Variants in SLC8B1 observed in about 807,000 individuals in gnomAD.
The protein encoded by SLC8B1 is mitochondrial sodium/calcium exchanger protein.
In SLC8B1, 52 loss-of-function variants were observed where a neutral mutation model predicts 63.4. The ratio of observed to expected loss-of-function variants is 0.82; its 90% CI spans 0.66 to 1.03. The LOEUF (loss-of-function observed/expected upper bound fraction) is 1.03, where lower values mean the gene tolerates loss of function less well. Among genes scored for constraint, SLC8B1 ranks in the 50% least tolerant of loss-of-function variants. The pLI is 0.00. For missense variants in SLC8B1, 657 were observed against 741.7 expected, an observed-to-expected ratio of 0.89 and a Z score of 1.33; for synonymous variants, 336 against 323.9, an observed-to-expected ratio of 1.04 and a Z score of -0.40.
Position 113,321,344 on chromosome 12 carries a change from C to A in SLC8B1, c.161G>T (p.Arg54Leu), listed in dbSNP as rs567764947. 2 of 1,614,086 alleles carry A rather than the reference C, an allele frequency of 1.2e-6. No homozygotes were observed. The highest frequency in any genetic ancestry group is 1.3e-5 in the African/African-American group (1 of 75,018). Residue 54 changes from arginine to leucine, a missense_variant, in exon 3 of 16, where the codon CGC becomes CTC. Transcript: ENST00000680972. ...GVNQTPVVDC[R>L]KVCGLNVSDR... The stretch of plus-strand genomic sequence containing the variant: ...AGAGACATTCAGGCCACACACCTTG[C>A]GGCACTGCAGGAAGACAGGGAGGGG...
intron 11 of SLC8B1, 142 bp downstream of exon 11, chr12:113,315,193 G>A (rs1382892765): frequency 2.4e-6 from 2 of 825,824 alleles, no homozygotes; most frequent in Middle Eastern, 2.9e-4. Flanking sequence ...GGCTTAGATG[G>A]GATGATTGCT....
At chr12:113,300,174 C>T (rs1363177286) in intron 15 of SLC8B1, among the ~76,000 whole-genome samples, 200 bp from the exon 16 acceptor site, 1 of 152,042 alleles carries the variant, frequency 6.6e-6, no homozygotes, top group Non-Finnish European at 1.5e-5. Flanking sequence ...CAACAATGCA[C>T]CCTCAACAAC....
At chr12:113,331,874 G>A (rs1432702605) in intron 2 of SLC8B1, among the ~76,000 whole-genome samples, 3 of 151,950 alleles carry the variant, frequency 2.0e-5, no homozygotes, top group Admixed American at 6.6e-5. Context: ...CCCCACTATC[G>A]CAAAACAATT....
intron 11 of SLC8B1, among the ~76,000 whole-genome samples, chr12:113,313,603 T>C (rs560733273): frequency 1.4e-4 from 21 of 152,184 alleles, no homozygotes; most frequent in Admixed American, 9.2e-4. Context: ...TGGCCGGGCA[T>C]GGTGGCGGGT....
At chr12:113,301,920 T>A (rs1380544582) in intron 15 of SLC8B1, among the ~76,000 whole-genome samples, 1 of 151,966 alleles carries the variant, frequency 6.6e-6, no homozygotes, top group Non-Finnish European at 1.5e-5. Flanking sequence ...GGATGAATGA[T>A]AAAGGAGTGG....
chr12:113,318,253 TTG>T (rs1016181240), intron 8 of SLC8B1, among the ~76,000 whole-genome samples: 43 of 151,924 alleles, frequency 2.8e-4, no homozygotes, highest in African/African-American at 9.4e-4. Context: ...TGTTGTGTAT[TTG>T]TGTTGTGTGT....
At chr12:113,319,303 C>G (rs758624214) in intron 7 of SLC8B1, 1 of 470,344 alleles carries the variant, frequency 2.1e-6, no homozygotes, top group African/African-American at 2.0e-5. Flanking sequence ...CCAAGCACAG[C>G]GAGAGACCTC....
rs567065081 is a variant in SLC8B1, at chr12:113,306,402, A to G, written c.1492+93T>C. ...CCACATTACCTGCCCCAGGTGTTAC[A>G]CCGAGAACCAATCCCCAGGGTGGGG... On this transcript the variant is annotated intron_variant, in intron 14 of 15. Transcript: ENST00000680972. 198 of 1,112,494 alleles carry G rather than the reference A, an allele frequency of 1.8e-4. 1 individual carries two copies. The Middle Eastern group carries it at 2.5e-3, about 14-fold the overall frequency. 68.9% of individuals were successfully genotyped at this position (1,112,494 alleles called of 1,614,324 possible). A position where few individuals can be genotyped will look rare whatever the true frequency, so the allele number is the denominator to read the frequency against.
At chr12:113,304,546 G>C (rs968456158) in intron 14 of SLC8B1, among the ~76,000 whole-genome samples, 161 bp from the exon 15 acceptor site, 11 of 152,278 alleles carry the variant, frequency 7.2e-5, no homozygotes, top group African/African-American at 2.2e-4. Flanking sequence ...AGCACTTTGG[G>C]AGGCCAAGGC....
rs561035574 is a variant in SLC8B1 at position 113,311,719 on chromosome 12, T to C, written c.1136-1364A>G. On this transcript the variant is annotated intron_variant, in intron 11 of 15. Transcript: ENST00000680972. Reference sequence around the variant, plus strand: ...GGGATTTTTTTTTTTTTTTTTTTTTTTTTAGACAGGGTCTCGATGTATCAA... The same window carrying C: ...GGGATTTTTTTTTTTTTTTTTTTTTCTTTAGACAGGGTCTCGATGTATCAA... Among the ~76,000 whole-genome samples, 702 of 149,982 alleles carry C rather than the reference T, an allele frequency of 4.7e-3. 2 individuals are homozygous for C. Among genetic ancestry groups the C allele is most frequent in the Middle Eastern group, 0.041 (12 of 292 alleles).
intron 2 of SLC8B1, among the ~76,000 whole-genome samples, chr12:113,324,688 T>A (rs1026182908): frequency 6.6e-6 from 1 of 151,730 alleles, no homozygotes; most frequent in Admixed American, 6.6e-5. Flanking sequence ...ATTACAGGTG[T>A]GAGCCACTGC....
At chr12:113,313,367 A>G (rs537806265) in intron 11 of SLC8B1, among the ~76,000 whole-genome samples, 103 of 151,854 alleles carry the variant, frequency 6.8e-4, no homozygotes, top group African/African-American at 2.5e-3. Context: ...ACAGTAGTGC[A>G]TGCCTGTAGT....
Position 113,315,496 on chromosome 12 carries a change from G to A in SLC8B1, c.994-20C>T. ...AGGCAGCTGTCAAGGGGGCAAAAGT[G>A]GGAGGGTGTCGGCAGGGAAGTCTGA... On this transcript the variant is annotated intron_variant, in intron 10 of 15. Transcript: ENST00000680972. 1 of 1,558,160 alleles carries A rather than the reference G, an allele frequency of 6.4e-7. No individual in the cohort carries two copies. Among genetic ancestry groups the A allele is most frequent in the Non-Finnish European group, 8.7e-7 (1 of 1,150,888 alleles).
chr12:113,306,667 G>A (rs1566225577), intron 13 of SLC8B1, 92 bp from the exon 14 acceptor site: 2 of 1,073,120 alleles, frequency 1.9e-6, no homozygotes, highest in East Asian at 2.5e-5. Context: ...CGGTCATTCA[G>A]GCAACAAACA....
At chr12:113,327,391 C>T (rs1293586278) in intron 2 of SLC8B1, among the ~76,000 whole-genome samples, 1 of 152,128 alleles carries the variant, frequency 6.6e-6, no homozygotes, top group African/African-American at 2.4e-5. Context: ...GGGGCAATAA[C>T]ACCCACAAGC....
rs753916297 is a variant in SLC8B1, at chr12:113,317,017, C to G, written c.803-16G>C. 9.2e-5 allele frequency: 148 copies of G among 1,609,734 alleles called. No homozygotes were observed. Among genetic ancestry groups the G allele is most frequent in the Non-Finnish European group, 1.2e-4 (145 of 1,178,320 alleles). On this transcript the variant is annotated splice_polypyrimidine_tract_variant and intron_variant, in intron 8 of 15. Coordinates refer to ENST00000680972, the MANE Select transcript of SLC8B1 (RefSeq NM_001358345.2). ...GAGAGGATCTCTGCAGGAGAGAGGC[C>G]CAGTTACATACAGAACCCAGACCAT...
At position 113,321,360 on chromosome 12, in the gene SLC8B1, C is replaced by T. The variant is rs1956927526; in HGVS notation, c.157-12G>A. On this transcript the variant is annotated splice_polypyrimidine_tract_variant and intron_variant, in intron 2 of 15. Transcript: ENST00000680972. ...CACACCTTGCGGCACTGCAGGAAGA[C>T]AGGGAGGGGGACATCAGCGGCAGAG... 6.2e-7 allele frequency: 1 copy of T among 1,614,020 alleles called. No homozygotes were observed. Among genetic ancestry groups the T allele is most frequent in the African/African-American group, 1.3e-5 (1 of 74,922 alleles).
At chr12:113,318,014 ATG>A (rs1260266538) in intron 8 of SLC8B1, among the ~76,000 whole-genome samples, 2 of 151,728 alleles carry the variant, frequency 1.3e-5, no homozygotes, top group East Asian at 1.9e-4. Context: ...TGTGTGTTGC[ATG>A]TGTGTGCACA....
Position 113,320,212 on chromosome 12 carries a change from A to T in SLC8B1, c.694+119T>A. On this transcript the variant is annotated intron_variant, in intron 7 of 15. Transcript: ENST00000680972. The surrounding 1 kb of genome is among the most constrained non-coding windows in gnomAD (Gnocchi z 5.3). ...AGCCAGCTTGAGGAGGGTTTCTGTC[A>T]CTTGTAATCAAATCAAAGCCCCCAC... 8.0e-7 allele frequency: 1 copy of T among 1,250,018 alleles called. No homozygotes were observed. The highest frequency in any genetic ancestry group is 1.1e-6 in the Non-Finnish European group (1 of 902,862). 77.4% of individuals were successfully genotyped at this position (1,250,018 alleles called of 1,614,324 possible). A position where few individuals can be genotyped will look rare whatever the true frequency, so the allele number is the denominator to read the frequency against.
Sources: gnomAD v4.1 joint callset for allele counts (sites outside exome capture counted in the v4.1 genomes callset) on GRCh38, gnomAD v4.1.1 for gene constraint, Gnocchi (gnomAD v3.1) non-coding constraint, MANE v1.5 for transcripts, NCBI Gene and HGNC (gene_info 2026-07-23, HGNC 2026-07-21) for gene names.